NFIB: variants seen among roughly 807,000 people sequenced by gnomAD.
The protein encoded by NFIB is nuclear factor I B, also known as nuclear factor 1 B-type.
NFIB carries 11 observed loss-of-function variants against 61.5 expected under a neutral mutation model. That is an observed-to-expected ratio of 0.18 (90% CI 0.11 to 0.30). The LOEUF (loss-of-function observed/expected upper bound fraction) is 0.30, where lower values mean the gene tolerates loss of function less well. Among genes scored for constraint, NFIB ranks in the 10% least tolerant of loss-of-function variants. The pLI, the probability that NFIB is intolerant of heterozygous loss-of-function variation, is 1.00. For synonymous variants in NFIB, 260 were observed against 216.5 expected (o/e 1.20, Z -1.76); for missense variants, 471 against 608.9 (o/e 0.77, Z 2.38).
chr9:14,401,018 C>A (rs878946560), upstream of NFIB, among the ~76,000 whole-genome samples: 4 of 152,232 alleles, frequency 2.6e-5, no homozygotes, highest in Admixed American at 2.6e-4. Flanking sequence ...TTTTTCTAAT[C>A]ATCCCAAGAA....
chr9:14,395,012 G>A (rs1464865906), intron 1 of NFIB, among the ~76,000 whole-genome samples: 7 of 152,032 alleles, frequency 4.6e-5, no homozygotes, highest in East Asian at 1.9e-4. Context: ...CTCAATCTCC[G>A]CAAGAATTGG....
chr9:14,524,928 A>G, the NFIB span, among the ~76,000 whole-genome samples: 1 of 152,210 alleles, frequency 6.6e-6, no homozygotes, highest in Non-Finnish European at 1.5e-5. Flanking sequence ...ACTGTGTATT[A>G]TCTCATTGGA....
intron 2 of NFIB, among the ~76,000 whole-genome samples, chr9:14,229,119 G>A (rs1022985520): frequency 4.0e-5 from 6 of 151,614 alleles, no homozygotes; most frequent in African/African-American, 1.2e-4. Flanking sequence ...AACTACATAC[G>A]ATTTCATTTT....
At chr9:14,192,848 T>G (rs1369791136) in intron 2 of NFIB, among the ~76,000 whole-genome samples, 1 of 152,186 alleles carries the variant, frequency 6.6e-6, no homozygotes, top group Admixed American at 6.5e-5. Flanking sequence ...TTCCTCCTAT[T>G]GGACTATCTG....
intron 2 of NFIB, among the ~76,000 whole-genome samples, chr9:14,240,120 T>TA (rs2054197992): frequency 6.6e-6 from 1 of 152,184 alleles, no homozygotes; most frequent in Admixed American, 6.5e-5. Flanking sequence ...TTTCATTAAA[T>TA]ATATAAATTG....
intron 1 of NFIB, among the ~76,000 whole-genome samples, chr9:14,340,113 TCTAA>T (rs1235147123): frequency 6.6e-6 from 1 of 152,190 alleles, no homozygotes; most frequent in Non-Finnish European, 1.5e-5. Context: ...AAAGTGGGGC[TCTAA>T]CTTTCAGTCC....
At chr9:14,438,820 C>T in the NFIB span, among the ~76,000 whole-genome samples, 1 of 151,900 alleles carries the variant, frequency 6.6e-6, no homozygotes, top group African/African-American at 2.4e-5. Context: ...AGGCCTGGGG[C>T]GGCAGAGAAT....
chr9:14,095,383 A>G (rs1053569383), intron 10 of NFIB, among the ~76,000 whole-genome samples: 3 of 152,080 alleles, frequency 2.0e-5, no homozygotes, highest in Non-Finnish European at 4.4e-5. Context: ...AAATTATACA[A>G]TTATCAGGCT....
chr9:14,497,242 C>T, the NFIB span, among the ~76,000 whole-genome samples: 1 of 152,208 alleles, frequency 6.6e-6, no homozygotes, highest in African/African-American at 2.4e-5. Flanking sequence ...TTACTACATT[C>T]TATCAATGTC....
chr9:14,266,983 G>C (rs921643758), intron 2 of NFIB, among the ~76,000 whole-genome samples: 1 of 152,128 alleles, frequency 6.6e-6, no homozygotes, highest in African/African-American at 2.4e-5. Flanking sequence ...CACAGAATCA[G>C]AACTGGGGAA....
chr9:14,366,703 C>G (rs189462929), intron 1 of NFIB, among the ~76,000 whole-genome samples: 1 of 152,238 alleles, frequency 6.6e-6, no homozygotes, highest in African/African-American at 2.4e-5. Flanking sequence ...CCAGGCTGGT[C>G]TCGAACTCCT....
At chr9:14,276,172 T>C (rs973997742) in intron 2 of NFIB, among the ~76,000 whole-genome samples, 1 of 152,134 alleles carries the variant, frequency 6.6e-6, no homozygotes, top group African/African-American at 2.4e-5. Context: ...AAATTTTCTT[T>C]GGACTTAAAA....
chr9:14,310,398 T>C (rs760343969), intron 1 of NFIB, among the ~76,000 whole-genome samples: 12 of 152,182 alleles, frequency 7.9e-5, no homozygotes, highest in Non-Finnish European at 1.6e-4. Flanking sequence ...GACTGTAAAT[T>C]GAGGTTTGCT....
rs774343883 is a variant in NFIB, at chr9:14,120,578, T to G, written c.1107A>C (p.Pro369=). 1.2e-6 allele frequency: 2 copies of G among 1,613,400 alleles called. No individual in the cohort carries two copies. Among genetic ancestry groups the G allele is most frequent in the African/African-American group, 2.7e-5 (2 of 74,968 alleles). The change falls in exon 8 of 11, where the codon CCA becomes CCC. Residue 369 remains proline, a synonymous_variant. Coordinates refer to ENST00000380953, the MANE Select transcript of NFIB (RefSeq NM_001190737.2). This position sits in a 1 kb window ranked among gnomAD's most constrained non-coding sequence, Gnocchi z 4.4. ...GGGCTGGAGGAAGGATAGCTTGTGTTGGAAATGGCAACGGTGAAGGTGGAG... is the reference window on the plus strand; with the variant it reads ...GGGCTGGAGGAAGGATAGCTTGTGTGGGAAATGGCAACGGTGAAGGTGGAG... The part of the protein sequence containing the change: ...TPPPPSPLPF[P]TQAILPPAPS...
intron 3 of NFIB, among the ~76,000 whole-genome samples, chr9:14,166,094 T>A (rs996784667): frequency 1.3e-5 from 2 of 152,188 alleles, no homozygotes; most frequent in Non-Finnish European, 2.9e-5. Context: ...TCAAGAACAA[T>A]CTTTTACATT....
chr9:14,403,408 A>T (rs1413574983), upstream of NFIB, among the ~76,000 whole-genome samples: 1 of 152,008 alleles, frequency 6.6e-6, no homozygotes, highest in Non-Finnish European at 1.5e-5. Flanking sequence ...CTTTCCCAGA[A>T]ATTTCCCTTT....
the NFIB span, among the ~76,000 whole-genome samples, chr9:14,488,905 AG>A: frequency 1.3e-5 from 2 of 152,198 alleles, no homozygotes; most frequent in Non-Finnish European, 2.9e-5. Context: ...CTCTGTCTCC[AG>A]TGGAAAGTTT....
intron 1 of NFIB, among the ~76,000 whole-genome samples, chr9:14,369,573 C>T (rs559326912): frequency 5.3e-5 from 8 of 152,204 alleles, no homozygotes; most frequent in African/African-American, 1.9e-4. Context: ...CCACCTCTCC[C>T]TTCCCCACAC....
chr9:14,433,858 T>A, the NFIB span, among the ~76,000 whole-genome samples: 1 of 152,220 alleles, frequency 6.6e-6, no homozygotes, highest in Non-Finnish European at 1.5e-5. Context: ...TTTTCATGAT[T>A]GCATGTCTGG....
Sources: gnomAD v4.1 joint callset for allele counts (sites outside exome capture counted in the v4.1 genomes callset) on GRCh38, gnomAD v4.1.1 for gene constraint, Gnocchi (gnomAD v3.1) non-coding constraint, MANE v1.5 for transcripts, NCBI Gene and HGNC (gene_info 2026-07-23, HGNC 2026-07-21) for gene names.